Variants in EPS8 observed in about 807,000 individuals in gnomAD.
EPS8 encodes the protein epidermal growth factor receptor kinase substrate 8.
A neutral mutation model predicts 103.8 loss-of-function variants in EPS8; 42 were observed. That is an observed-to-expected ratio of 0.40 (90% CI 0.32 to 0.52). The LOEUF (loss-of-function observed/expected upper bound fraction) is 0.52. EPS8 is among the 20% of genes least tolerant of loss of function. EPS8 has a pLI of 0.40. For synonymous variants in EPS8, 344 were observed against 344.6 expected (o/e 1.00, Z 0.02); for missense variants, 969 against 1,005.1 (o/e 0.96, Z 0.49).
chr12:15,689,178 C>G (rs368219280), intron 1 of EPS8, among the ~76,000 whole-genome samples: 2 of 151,908 alleles, frequency 1.3e-5, no homozygotes, highest in African/African-American at 4.8e-5. Context: ...GATAGTTTGA[C>G]CACTGTGTGC....
intron 4 of EPS8, among the ~76,000 whole-genome samples, chr12:15,670,403 T>G (rs953820021): frequency 1.3e-5 from 2 of 152,160 alleles, no homozygotes; most frequent in African/African-American, 4.8e-5. Context: ...GCTTAAATAT[T>G]TTCTATTATA....
At chr12:15,624,471 AC>A in intron 18 of EPS8, 64 bp from the exon 19 acceptor site, 1 of 1,268,674 alleles carries the variant, frequency 7.9e-7, no homozygotes, top group African/African-American at 1.5e-5. Context: ...CCTCTCTAGA[AC>A]CCCAATCTCT....
intron 17 of EPS8, among the ~76,000 whole-genome samples, chr12:15,638,316 C>T (rs536124852): frequency 2.6e-5 from 4 of 151,916 alleles, no homozygotes; most frequent in African/African-American, 7.3e-5. Context: ...GAATAGGAAT[C>T]CTTTTAGAGT....
rs1391192278 is a variant in EPS8, at chr12:15,663,137, G to A, written c.737-1038C>T. Among the ~76,000 whole-genome samples the A allele has an allele frequency of 2.0e-5, 3 of 152,074 alleles. No homozygotes were observed. The East Asian group carries it at 5.8e-4, about 29-fold the overall frequency. On this transcript the variant is annotated intron_variant, in intron 8 of 20. Coordinates refer to ENST00000281172, the MANE Select transcript of EPS8 (RefSeq NM_004447.6). ...GCTACTATTTTACACATAGATAGCT[G>A]CTACCTTGGTTGTAGTGGACTACCA...
intron 3 of EPS8, among the ~76,000 whole-genome samples, chr12:15,676,332 A>T (rs1284037638): frequency 1.3e-5 from 2 of 149,842 alleles, no homozygotes; most frequent in African/African-American, 2.5e-5. Flanking sequence ...AACATTTTTT[A>T]TCTAGTTTCC....
At position 15,752,471 on chromosome 12, in the gene EPS8, A is replaced by G. The variant is rs1946943300; in HGVS notation, c.-22+36690T>C. ...CAAAAAAAAAACAAAAACAAAAAAA[A>G]TAAAAATAAATTCCCCTAAAGAGCT... On this transcript the variant is annotated intron_variant, in intron 1 of 20. Coordinates refer to ENST00000281172, the MANE Select transcript of EPS8 (RefSeq NM_004447.6). This position sits in a 1 kb window ranked among gnomAD's most constrained non-coding sequence, Gnocchi z 4.4. 6.6e-6 allele frequency among the ~76,000 whole-genome samples: 1 copy of G among 152,026 alleles called. No individual in the cohort carries two copies. Among genetic ancestry groups the G allele is most frequent in the South Asian group, 2.1e-4 (1 of 4,818 alleles).
rs1010969321 is a variant in EPS8 at position 15,784,256 on chromosome 12, C to G, written c.-22+4905G>C. The stretch of plus-strand genomic sequence containing the variant: ...TGCAAAACACATATCTGATAAAGTG[C>G]CTGTATACAAAATGTATAAAGAACT... On this transcript the variant is annotated intron_variant, in intron 1 of 20. Coordinates refer to ENST00000281172, the MANE Select transcript of EPS8 (RefSeq NM_004447.6). The surrounding 1 kb of genome is among the most constrained non-coding windows in gnomAD (Gnocchi z 4.0). 1.3e-5 allele frequency among the ~76,000 whole-genome samples: 2 copies of G among 152,024 alleles called. No individual in the cohort carries two copies. Among genetic ancestry groups the G allele is most frequent in the African/African-American group, 4.8e-5 (2 of 41,394 alleles).
chr12:15,647,408 G>GT, intron 14 of EPS8, 148 bp from the exon 15 acceptor site: 1 of 653,636 alleles, frequency 1.5e-6, no homozygotes, highest in Non-Finnish European at 2.5e-6. Context: ...TCAAATGGGA[G>GT]TGACACATTT....
rs375405713 is a variant in EPS8 at position 15,650,702 on chromosome 12, T to C, written c.1434+121A>G. ...AGAGGTAATTCAGGACAGGGTAACA[T>C]TCAGACTTTGATTCTAGAACAATTT... On this transcript the variant is annotated intron_variant, in intron 14 of 20. Transcript: ENST00000281172. The C allele has an allele frequency of 8.7e-4, 723 of 830,656 alleles. 12 individuals are homozygous for C. In the South Asian group the frequency reaches 0.012, roughly 14 times the overall value. The allele number at this position is 830,656 out of a possible 1,614,324, so 51.5% of individuals were successfully genotyped here. A position where few individuals can be genotyped will look rare whatever the true frequency, so the allele number is the denominator to read the frequency against.
At chr12:15,699,254 T>C (rs1162112860) in intron 1 of EPS8, among the ~76,000 whole-genome samples, 1 of 152,230 alleles carries the variant, frequency 6.6e-6, no homozygotes, top group Non-Finnish European at 1.5e-5. Flanking sequence ...GTCCCAGAGC[T>C]TTTATTGTGG....
intron 1 of EPS8, among the ~76,000 whole-genome samples, chr12:15,708,082 CCAAT>C (rs753752882): frequency 1.6e-4 from 25 of 152,238 alleles, no homozygotes; most frequent in Non-Finnish European, 3.1e-4. Context: ...GCCTATGATG[CCAAT>C]CAGAGACAGT....
At chr12:15,667,178 T>G (rs1002011181) in intron 6 of EPS8, among the ~76,000 whole-genome samples, 1 of 152,240 alleles carries the variant, frequency 6.6e-6, no homozygotes, top group African/African-American at 2.4e-5. Flanking sequence ...TTACTCTATA[T>G]TAGAATGTTG....
chr12:15,706,040 AC>A lies in EPS8; in HGVS notation c.-21-23069del, dbSNP rs1409059729. On this transcript the variant is annotated intron_variant, in intron 1 of 20. Coordinates refer to ENST00000281172, the MANE Select transcript of EPS8 (RefSeq NM_004447.6). This position sits in a 1 kb window ranked among gnomAD's most constrained non-coding sequence, Gnocchi z 5.2. ...TTTTTTTTTAACTCAAAGAAGGCTAACATTCAAGAATGACCCTGAATCTATT... is the reference window on the plus strand; with the variant it reads ...TTTTTTTTTAACTCAAAGAAGGCTAAATTCAAGAATGACCCTGAATCTATT... Among the ~76,000 whole-genome samples, 4 of 152,170 alleles carry A rather than the reference AC, an allele frequency of 2.6e-5. No individual in the cohort carries two copies. Among genetic ancestry groups the A allele is most frequent in the Non-Finnish European group, 5.9e-5 (4 of 68,036 alleles).
At position 15,732,261 on chromosome 12, in the gene EPS8, C is replaced by T. The variant is rs186455418; in HGVS notation, c.-21-49289G>A. On this transcript the variant is annotated intron_variant, in intron 1 of 20. Coordinates refer to ENST00000281172, the MANE Select transcript of EPS8 (RefSeq NM_004447.6). ...AATTTGTCAAGGTGATCTACTGTAT[C>T]GAGACCTTCATCAACAATGCATTCC... 2.6e-5 allele frequency among the ~76,000 whole-genome samples: 4 copies of T among 152,242 alleles called. No homozygotes were observed. The East Asian group carries it at 5.8e-4, about 22-fold the overall frequency.
At chr12:15,674,558 G>A (rs1422567346) in intron 3 of EPS8, among the ~76,000 whole-genome samples, 8 of 152,184 alleles carry the variant, frequency 5.3e-5, no homozygotes, top group East Asian at 1.9e-4. Flanking sequence ...ATGAGTATCC[G>A]AACCAACATA....
intron 11 of EPS8, 76 bp downstream of exon 11, chr12:15,658,421 A>G: frequency 9.6e-7 from 1 of 1,043,544 alleles, no homozygotes; most frequent in Non-Finnish European, 1.4e-6. Context: ...TTCTTAATTT[A>G]ATCAGAAACA....
At chr12:15,715,366 C>T (rs952855950) in intron 1 of EPS8, among the ~76,000 whole-genome samples, 4 of 149,258 alleles carry the variant, frequency 2.7e-5, no homozygotes, top group Admixed American at 6.8e-5. Flanking sequence ...ATCCCAAGAG[C>T]GCTTTCTTTT....
intron 8 of EPS8, 29 bp from the exon 9 acceptor site, chr12:15,662,128 A>C (rs762524746): frequency 8.8e-6 from 14 of 1,593,614 alleles, no homozygotes; most frequent in Non-Finnish European, 1.1e-5. Context: ...TAAGTCTTTC[A>C]ATCTTTTACT....
At chr12:15,640,890 C>A (rs1382009403) in intron 16 of EPS8, 44 bp from the exon 17 acceptor site, 2 of 1,584,488 alleles carry the variant, frequency 1.3e-6, no homozygotes, top group African/African-American at 1.4e-5. Flanking sequence ...CATATAAAAG[C>A]CATTCTACGA....
Sources: allele counts gnomAD v4.1 joint callset (sites outside exome capture counted in the v4.1 genomes callset), GRCh38; gene constraint gnomAD v4.1.1; non-coding constraint Gnocchi (gnomAD v3.1); transcripts MANE v1.5; gene names NCBI Gene and HGNC (gene_info 2026-07-23, HGNC 2026-07-21).